Variants in XPR1 observed in about 807,000 individuals in gnomAD.
XPR1 encodes the protein solute carrier family 53 member 1.
XPR1 carries 28 observed loss-of-function variants against 87.5 expected under a neutral mutation model. The ratio of observed to expected loss-of-function variants is 0.32; its 90% CI spans 0.24 to 0.44. The LOEUF (loss-of-function observed/expected upper bound fraction) is 0.44, where lower values mean the gene tolerates loss of function less well. Ranked by LOEUF, XPR1 falls within the 20% of genes least tolerant of loss-of-function variation. The pLI is 1.00. For missense variants in XPR1, 559 were observed against 862.3 expected (o/e 0.65, Z 4.41); for synonymous variants, 300 against 306.1 (o/e 0.98, Z 0.21).
intron 2 of XPR1, among the ~76,000 whole-genome samples, chr1:180,693,652 G>C (rs995998780): frequency 3.3e-5 from 5 of 152,160 alleles, no homozygotes; most frequent in African/African-American, 1.2e-4. Flanking sequence ...TTCTGAGAGA[G>C]TATCTGTTTT....
At chr1:180,798,771 AC>A (rs1371193447) in intron 3 of XPR1, among the ~76,000 whole-genome samples, 1 of 151,962 alleles carries the variant, frequency 6.6e-6, no homozygotes, top group Non-Finnish European at 1.5e-5. Flanking sequence ...GCAGCACCAC[AC>A]CCTGCTAATT....
At chr1:180,717,744 C>G (rs1025398137) in intron 2 of XPR1, among the ~76,000 whole-genome samples, 1 of 152,186 alleles carries the variant, frequency 6.6e-6, no homozygotes, top group African/African-American at 2.4e-5. Flanking sequence ...CTTCTCAACC[C>G]TGTGTTCACT....
chr1:180,712,056 T>C (rs1657818081), intron 2 of XPR1, among the ~76,000 whole-genome samples: 1 of 151,960 alleles, frequency 6.6e-6, no homozygotes, highest in South Asian at 2.1e-4. Context: ...AAACTGTGGA[T>C]GGTACCAAAT....
chr1:180,838,384 C>T (rs887910677), intron 11 of XPR1, among the ~76,000 whole-genome samples: 4 of 151,970 alleles, frequency 2.6e-5, no homozygotes, highest in South Asian at 2.1e-4. Flanking sequence ...ATATGTTAAG[C>T]GGACCTATGA....
At position 180,682,380 on chromosome 1, in the gene XPR1, T is replaced by C; in HGVS notation, c.90T>C (p.Tyr30=). ...IQYEAFKDML[Y]SAQDQAPSVE... ...AATAGGCTTTCAAGGATATGCTGTA[T>C]TCAGCTCAGGACCAGGCACCTTCTG... The change falls in exon 2 of 15, where the codon TAT becomes TAC. Residue 30 remains tyrosine (Y), a synonymous_variant. Coordinates refer to ENST00000367590, the MANE Select transcript of XPR1 (RefSeq NM_004736.4). The C allele has an allele frequency of 6.2e-7, 1 of 1,604,326 alleles. No individual in the cohort carries two copies. Among genetic ancestry groups the C allele is most frequent in the Non-Finnish European group, 8.5e-7 (1 of 1,175,002 alleles).
intron 11 of XPR1, among the ~76,000 whole-genome samples, chr1:180,839,043 T>G: frequency 6.6e-6 from 1 of 152,308 alleles, no homozygotes; most frequent in Admixed American, 6.5e-5. Flanking sequence ...TTTTTCAGTT[T>G]TTATATAAGT....
chr1:180,782,467 C>G (rs1440448917), intron 2 of XPR1, among the ~76,000 whole-genome samples: 1 of 151,988 alleles, frequency 6.6e-6, no homozygotes, highest in East Asian at 1.9e-4. Flanking sequence ...AGCATTTCCC[C>G]AAACATGGCC....
intron 2 of XPR1, among the ~76,000 whole-genome samples, chr1:180,751,040 A>C (rs1647516023): frequency 6.6e-6 from 1 of 151,992 alleles, no homozygotes; most frequent in Non-Finnish European, 1.5e-5. Context: ...TAATGGTTTT[A>C]AATTTTATTT....
At chr1:180,821,405 C>G (rs1650622752) in intron 7 of XPR1, among the ~76,000 whole-genome samples, 1 of 152,152 alleles carries the variant, frequency 6.6e-6, no homozygotes, top group South Asian at 2.1e-4. Flanking sequence ...TTCCATTCAT[C>G]TATATGTCTG....
chr1:180,765,673 A>C (rs531901282), intron 2 of XPR1, among the ~76,000 whole-genome samples: 1 of 152,294 alleles, frequency 6.6e-6, no homozygotes, highest in African/African-American at 2.4e-5. Flanking sequence ...ATCATACCTT[A>C]TGCAATGTAA....
At position 180,797,054 on chromosome 1, in the gene XPR1, A is replaced by T. The variant is rs149843733; in HGVS notation, c.224-6334A>T. 2.4e-3 allele frequency among the ~76,000 whole-genome samples: 365 copies of T among 152,270 alleles called. 2 individuals carry two copies. The highest frequency in any genetic ancestry group is 3.2e-3 in the Non-Finnish European group (215 of 68,010). ...CTAATGGCCATGATGGAAGTATAGG[A>T]GGTGACAGAAATGTTCTAAAATTGG... is the stretch of plus-strand genomic sequence containing the variant. On this transcript the variant is annotated intron_variant, in intron 3 of 14. Coordinates refer to ENST00000367590, the MANE Select transcript of XPR1 (RefSeq NM_004736.4).
rs1653149547 is a variant in XPR1 at position 180,890,233 on chromosome 1, TTC to T, written c.*6173_*6174del. ...TCTGTCCTTTTTTCATTATTACAAT[TTC>T]TCTCTGTTTTCCAACAGTTTGCTGA... On this transcript the variant is annotated 3_prime_UTR_variant, in exon 15 of 15. Coordinates refer to ENST00000367590, the MANE Select transcript of XPR1 (RefSeq NM_004736.4). 1 of 152,218 alleles carries T rather than the reference TTC, an allele frequency of 6.6e-6. No homozygotes were observed. The highest frequency in any genetic ancestry group is 2.4e-5 in the African/African-American group (1 of 41,462). 9.4% of individuals were successfully genotyped at this position (152,218 alleles called of 1,614,324 possible). A position where few individuals can be genotyped will look rare whatever the true frequency, so the allele number is the denominator to read the frequency against.
chr1:180,680,113 TAAAG>T (rs1223736585), intron 1 of XPR1, among the ~76,000 whole-genome samples: 1 of 151,682 alleles, frequency 6.6e-6, no homozygotes, highest in Non-Finnish European at 1.5e-5. Flanking sequence ...GGCTAACAAA[TAAAG>T]AAAATGCTTA....
At chr1:180,777,073 T>C (rs555374981) in intron 2 of XPR1, among the ~76,000 whole-genome samples, 10 of 152,314 alleles carry the variant, frequency 6.6e-5, no homozygotes, top group African/African-American at 1.9e-4. Flanking sequence ...AATGCCCTTA[T>C]TTTTCAAAGT....
chr1:180,732,289 A>T lies in XPR1; in HGVS notation c.121+49878A>T, dbSNP rs1200252665. 1.3e-5 allele frequency among the ~76,000 whole-genome samples: 2 copies of T among 151,612 alleles called. 1 individual carries two copies. The highest frequency in any genetic ancestry group is 1.3e-4 in the Admixed American group (2 of 15,238). On this transcript the variant is annotated intron_variant, in intron 2 of 14. Coordinates refer to ENST00000367590, the MANE Select transcript of XPR1 (RefSeq NM_004736.4). ...AAAAATAACTTTCTGGGTCTTGATG[A>T]TTAAAATTTTCCCTTTTACTATGAA...
At chr1:180,806,036 GT>G in intron 4 of XPR1, 25 bp from the exon 5 acceptor site, 3 of 1,606,312 alleles carry the variant, frequency 1.9e-6, no homozygotes, top group Non-Finnish European at 2.6e-6. Flanking sequence ...AGAAATTATA[GT>G]TGTGTTTCTC....
chr1:180,691,722 A>C (rs897559443), intron 2 of XPR1, among the ~76,000 whole-genome samples: 1 of 152,118 alleles, frequency 6.6e-6, no homozygotes. Flanking sequence ...CTTAGAATTC[A>C]GTTCTTAGTG....
At chr1:180,713,855 G>A (rs1320794188) in intron 2 of XPR1, among the ~76,000 whole-genome samples, 3 of 151,810 alleles carry the variant, frequency 2.0e-5, no homozygotes, top group African/African-American at 7.3e-5. Flanking sequence ...GTCTTGTTTT[G>A]GTATCAGGGT....
intron 2 of XPR1, among the ~76,000 whole-genome samples, chr1:180,770,421 TTTAA>T (rs773755972): frequency 9.2e-5 from 14 of 152,150 alleles, no homozygotes; most frequent in South Asian, 2.1e-4. Context: ...TTTTTCTCTT[TTTAA>T]TTTAATCATA....
Sources: gnomAD v4.1 joint callset for allele counts (sites outside exome capture counted in the v4.1 genomes callset) on GRCh38, gnomAD v4.1.1 for gene constraint, MANE v1.5 for transcripts, NCBI Gene and HGNC (gene_info 2026-07-23, HGNC 2026-07-21) for gene names.